MTUS2: variants seen among roughly 807,000 people sequenced by gnomAD.
MTUS2 encodes the protein microtubule-associated tumor suppressor candidate 2.
In MTUS2, 40 loss-of-function variants were observed where a neutral mutation model predicts 114.1. The ratio of observed to expected loss-of-function variants is 0.35; its 90% CI spans 0.27 to 0.46. MTUS2 has a LOEUF of 0.46. Among genes scored for constraint, MTUS2 ranks in the 20% least tolerant of loss-of-function variants. The pLI is 1.00. For missense variants in MTUS2, 1,679 were observed against 1,705.4 expected (o/e 0.98, Z 0.27); for synonymous variants, 688 against 672.0 (o/e 1.02, Z -0.37).
chr13:29,491,594 G>GGT (rs369522053), intron 11 of MTUS2, among the ~76,000 whole-genome samples: 10 of 147,860 alleles, frequency 6.8e-5, no homozygotes, highest in South Asian at 2.2e-4. Context: ...GTGTGTGACA[G>GGT]GTGTGTGTGT....
intron 2 of MTUS2, among the ~76,000 whole-genome samples, chr13:28,889,554 C>T (rs1254038552): frequency 1.3e-5 from 2 of 152,088 alleles, no homozygotes; most frequent in East Asian, 1.9e-4. Flanking sequence ...AAGGATTCCA[C>T]GTGTTCCCTT....
intron 2 of MTUS2, among the ~76,000 whole-genome samples, chr13:28,992,456 G>A (rs1047990510): frequency 1.3e-5 from 2 of 152,120 alleles, no homozygotes; most frequent in East Asian, 1.9e-4. Context: ...TCCAGCTGGT[G>A]GGGGGTAAGA....
intron 5 of MTUS2, among the ~76,000 whole-genome samples, chr13:29,149,040 A>G (rs1261006877): frequency 6.6e-6 from 1 of 152,176 alleles, no homozygotes; most frequent in Non-Finnish European, 1.5e-5. Flanking sequence ...TCCTTTGGGT[A>G]TGTACCCAGT....
intron 4 of MTUS2, among the ~76,000 whole-genome samples, chr13:29,080,771 G>T (rs960274033): frequency 6.6e-6 from 1 of 151,992 alleles, no homozygotes; most frequent in Non-Finnish European, 1.5e-5. Flanking sequence ...TGTCACCCTG[G>T]CTAGAATGCA....
At chr13:28,991,078 C>T (rs572729744) in intron 2 of MTUS2, among the ~76,000 whole-genome samples, 11 of 152,282 alleles carry the variant, frequency 7.2e-5, no homozygotes, top group African/African-American at 2.2e-4. Flanking sequence ...TGATCACATT[C>T]GCATATTTAC....
At chr13:29,084,782 C>CG (rs1310790260) in intron 4 of MTUS2, among the ~76,000 whole-genome samples, 1 of 48,986 alleles carries the variant, frequency 2.0e-5, no homozygotes, top group South Asian at 4.5e-4. Flanking sequence ...AGGTGATCCA[C>CG]CCCCCCCCCT....
chr13:28,999,712 CA>C (rs1885296132), intron 2 of MTUS2, among the ~76,000 whole-genome samples: 2 of 152,244 alleles, frequency 1.3e-5, no homozygotes, highest in South Asian at 4.1e-4. Flanking sequence ...CAATAGAAAT[CA>C]GAACTTATTC....
chr13:29,358,978 C>G (rs1054432709), intron 7 of MTUS2, among the ~76,000 whole-genome samples: 13 of 141,382 alleles, frequency 9.2e-5, no homozygotes, highest in African/African-American at 3.0e-4. Context: ...AAAAGCTTCT[C>G]TCTCTCCAAG....
intron 5 of MTUS2, among the ~76,000 whole-genome samples, chr13:29,191,140 A>G (rs983710249): frequency 2.6e-5 from 4 of 151,990 alleles, no homozygotes; most frequent in Non-Finnish European, 4.4e-5. Context: ...AGCTTGCCCA[A>G]GTTGTATTCA....
chr13:29,083,298 A>G (rs545306593), intron 4 of MTUS2, among the ~76,000 whole-genome samples: 3 of 152,316 alleles, frequency 2.0e-5, no homozygotes, highest in Admixed American at 1.3e-4. Flanking sequence ...GAATGCCTTC[A>G]GAAGAGAATG....
intron 8 of MTUS2, among the ~76,000 whole-genome samples, chr13:29,377,475 G>A (rs1309069539): frequency 6.6e-6 from 1 of 152,080 alleles, no homozygotes; most frequent in Non-Finnish European, 1.5e-5. Flanking sequence ...GACAATAATA[G>A]GAAAATCTTT....
intron 9 of MTUS2, among the ~76,000 whole-genome samples, chr13:29,450,835 C>T (rs1393910518): frequency 6.6e-6 from 1 of 152,076 alleles, no homozygotes; most frequent in East Asian, 1.9e-4. Flanking sequence ...AGGAATATTG[C>T]TAGGAATGAA....
intron 2 of MTUS2, among the ~76,000 whole-genome samples, chr13:28,855,609 C>T (rs1170853629): frequency 1.3e-5 from 2 of 152,136 alleles, no homozygotes; most frequent in Non-Finnish European, 2.9e-5. Context: ...TGATCTCATT[C>T]CTTTTTATGG....
chr13:29,056,545 A>ATT (rs1888142286), intron 4 of MTUS2, among the ~76,000 whole-genome samples: 2 of 151,962 alleles, frequency 1.3e-5, no homozygotes. Flanking sequence ...CAGGGATTGA[A>ATT]TTTCTTCCTG....
At chr13:29,408,155 A>G (rs1336453844) in intron 8 of MTUS2, among the ~76,000 whole-genome samples, 1 of 152,088 alleles carries the variant, frequency 6.6e-6, no homozygotes, top group Non-Finnish European at 1.5e-5. Flanking sequence ...TGTCTTTTCT[A>G]AACTAAACTT....
At chr13:29,258,659 T>A (rs1897360629) in intron 5 of MTUS2, among the ~76,000 whole-genome samples, 1 of 152,254 alleles carries the variant, frequency 6.6e-6, no homozygotes, top group Non-Finnish European at 1.5e-5. Context: ...GATTTTGTTC[T>A]ATCTGCTGCC....
chr13:29,020,060 G>A (rs944077374), intron 2 of MTUS2, among the ~76,000 whole-genome samples: 3 of 152,214 alleles, frequency 2.0e-5, no homozygotes, highest in African/African-American at 7.2e-5. Flanking sequence ...CAGATGTGTG[G>A]TGAGTTTTCT....
chr13:28,873,637 G>A (rs1183506590), intron 2 of MTUS2, among the ~76,000 whole-genome samples: 2 of 152,156 alleles, frequency 1.3e-5, no homozygotes, highest in African/African-American at 4.8e-5. Flanking sequence ...ATACAAATGG[G>A]TTTCAAAGTA....
chr13:29,243,229 A>G (rs1054421954), intron 5 of MTUS2, among the ~76,000 whole-genome samples: 6 of 152,172 alleles, frequency 3.9e-5, no homozygotes, highest in African/African-American at 1.4e-4. Flanking sequence ...TAGAAGGAGA[A>G]AAGCTGAAGC....
Sources: allele counts gnomAD v4.1 joint callset (sites outside exome capture counted in the v4.1 genomes callset), GRCh38; gene constraint gnomAD v4.1.1; transcripts MANE v1.5; gene names NCBI Gene and HGNC (gene_info 2026-07-23, HGNC 2026-07-21).